KCNQ5: variants seen among roughly 807,000 people sequenced by gnomAD.
KCNQ5 encodes the protein potassium voltage-gated channel subfamily KQT member 5.
Under a neutral mutation model 98.2 loss-of-function variants are expected in KCNQ5, and 30 were observed. That is an observed-to-expected ratio of 0.31 (90% CI 0.23 to 0.41). The LOEUF (loss-of-function observed/expected upper bound fraction) is 0.41. KCNQ5 is among the 10% of genes least tolerant of loss of function. The pLI is 1.00. For missense variants in KCNQ5, 835 were observed against 1,182.5 expected (o/e 0.71, Z 4.31); for synonymous variants, 458 against 449.4 (o/e 1.02, Z -0.24).
intron 3 of KCNQ5, chr6:73,055,903 C>A: frequency 1.8e-6 from 1 of 550,704 alleles, no homozygotes. Flanking sequence ...TCCATCTGTC[C>A]CTCCCTCCTG....
At chr6:73,075,411 C>T (rs1157846381) in intron 3 of KCNQ5, among the ~76,000 whole-genome samples, 3 of 151,956 alleles carry the variant, frequency 2.0e-5, no homozygotes, top group Admixed American at 6.6e-5. Flanking sequence ...TTAGTAGAGA[C>T]AGGGTTTCAC....
At chr6:73,078,014 TA>T in intron 5 of KCNQ5, 127 bp downstream of exon 5, 1 of 720,494 alleles carries the variant, frequency 1.4e-6, no homozygotes, top group Non-Finnish European at 2.1e-6. Context: ...ATATGGAAAA[TA>T]AATACTACTT....
rs57312980 is a variant in KCNQ5, at chr6:72,849,115, TACACACAC to T, written c.399-154771_399-154764del. Among the ~76,000 whole-genome samples the T allele has an allele frequency of 2.9e-3, 435 of 147,458 alleles. 4 individuals carry two copies. The highest frequency in any genetic ancestry group is 9.9e-3 in the African/African-American group (401 of 40,346). ...AATGGCTGAGTAGCGTATGTACACA[TACACACAC>T]ACACACACACACACACACACATATG... On this transcript the variant is annotated intron_variant, in intron 1 of 13. Transcript: ENST00000370398.
intron 1 of KCNQ5, among the ~76,000 whole-genome samples, chr6:72,899,792 C>T: frequency 6.6e-6 from 1 of 151,876 alleles, no homozygotes; most frequent in Non-Finnish European, 1.5e-5. Context: ...TCTTTTATCC[C>T]TCACCCCCTT....
intron 1 of KCNQ5, among the ~76,000 whole-genome samples, chr6:72,898,460 A>T (rs1197286218): frequency 6.6e-6 from 1 of 152,172 alleles, no homozygotes; most frequent in Non-Finnish European, 1.5e-5. Context: ...TTTGCTGAGA[A>T]TGATGGCTTC....
chr6:73,032,250 C>T (rs1205904375), intron 2 of KCNQ5, among the ~76,000 whole-genome samples: 1 of 152,152 alleles, frequency 6.6e-6, no homozygotes, highest in Non-Finnish European at 1.5e-5. Context: ...TCACTGCAAC[C>T]TCCACCTCCC....
At chr6:72,798,703 T>G (rs1360468144) in intron 1 of KCNQ5, among the ~76,000 whole-genome samples, 2 of 152,192 alleles carry the variant, frequency 1.3e-5, no homozygotes, top group Non-Finnish European at 2.9e-5. Context: ...TAATACATAA[T>G]TCATAAATGT....
At chr6:72,628,414 G>C (rs2098919070) in intron 1 of KCNQ5, among the ~76,000 whole-genome samples, 1 of 152,214 alleles carries the variant, frequency 6.6e-6, no homozygotes, top group South Asian at 2.1e-4. Flanking sequence ...ATCCGAGATG[G>C]TGGAGGATAC....
chr6:73,150,942 G>C (rs752317999), intron 10 of KCNQ5, among the ~76,000 whole-genome samples: 1 of 151,840 alleles, frequency 6.6e-6, no homozygotes, highest in Non-Finnish European at 1.5e-5. Flanking sequence ...GAGGGAGGAG[G>C]TGTGGCTCTA....
chr6:72,968,454 A>T (rs1380829473), intron 1 of KCNQ5, among the ~76,000 whole-genome samples: 1 of 152,128 alleles, frequency 6.6e-6, no homozygotes, highest in Non-Finnish European at 1.5e-5. Context: ...AATAAGTGAA[A>T]AAAAAAACAG....
chr6:72,623,317 A>G (rs550599060), intron 1 of KCNQ5, among the ~76,000 whole-genome samples: 11 of 152,106 alleles, frequency 7.2e-5, no homozygotes, highest in African/African-American at 2.7e-4. Flanking sequence ...GTGCGATAGC[A>G]GAAGCGCAAA....
intron 3 of KCNQ5, among the ~76,000 whole-genome samples, chr6:73,049,623 A>G (rs1369638696): frequency 6.6e-6 from 1 of 152,206 alleles, no homozygotes; most frequent in Non-Finnish European, 1.5e-5. Context: ...GGAAAAATGA[A>G]TTTCTTAACA....
chr6:73,008,583 C>T (rs910124532), intron 2 of KCNQ5, among the ~76,000 whole-genome samples: 1 of 152,024 alleles, frequency 6.6e-6, no homozygotes. Context: ...AACATTTATG[C>T]ACCTAATAAC....
At chr6:72,953,482 CA>C (rs2150256711) in intron 1 of KCNQ5, among the ~76,000 whole-genome samples, 1 of 152,262 alleles carries the variant, frequency 6.6e-6, no homozygotes, top group South Asian at 2.1e-4. Flanking sequence ...ATGACTGAAA[CA>C]ACAATTATAC....
chr6:72,624,209 C>T (rs915512897), intron 1 of KCNQ5, among the ~76,000 whole-genome samples: 3 of 152,134 alleles, frequency 2.0e-5, no homozygotes, highest in Admixed American at 1.3e-4. Context: ...ACACTTTTCT[C>T]GTTAATCTCC....
At chr6:72,934,316 T>A (rs1304134555) in intron 1 of KCNQ5, among the ~76,000 whole-genome samples, 2 of 152,098 alleles carry the variant, frequency 1.3e-5, no homozygotes, top group Non-Finnish European at 2.9e-5. Context: ...ATGACAACAA[T>A]GATAATGATA....
intron 3 of KCNQ5, among the ~76,000 whole-genome samples, chr6:73,070,423 CTAA>C (rs1219959539): frequency 2.6e-5 from 4 of 152,000 alleles, no homozygotes; most frequent in African/African-American, 9.7e-5. Context: ...TCCGTTAAAA[CTAA>C]TGATTGTATA....
In KCNQ5 at chr6:73,041,835, C is replaced by A. The variant is rs566488064; in HGVS notation, c.490-101C>A. 93 of 1,302,962 alleles carry A rather than the reference C, an allele frequency of 7.1e-5. No individual in the cohort carries two copies. The South Asian group carries it at 1.1e-3, about 16-fold the overall frequency. The allele number at this position is 1,302,962 out of a possible 1,614,324, so 80.7% of individuals were successfully genotyped here. ...AACTTTAGATATTAACAACTAGATC[C>A]TTTAGACAAAGTGCCTAAATGTCCA... On this transcript the variant is annotated intron_variant, in intron 2 of 13. Transcript: ENST00000370398.
intron 2 of KCNQ5, among the ~76,000 whole-genome samples, chr6:73,017,626 A>C (rs1019827604): frequency 2.0e-5 from 3 of 152,196 alleles, no homozygotes; most frequent in Non-Finnish European, 2.9e-5. Flanking sequence ...TACAGGCTGG[A>C]TTCAATGAAA....
Sources: allele counts gnomAD v4.1 joint callset (sites outside exome capture counted in the v4.1 genomes callset), GRCh38; gene constraint gnomAD v4.1.1; transcripts MANE v1.5; gene names NCBI Gene and HGNC (gene_info 2026-07-23, HGNC 2026-07-21).